GRK3: variants seen among roughly 807,000 people sequenced by gnomAD.
GRK3 encodes the protein adrenergic, beta, receptor kinase 2.
A neutral mutation model predicts 95.7 loss-of-function variants in GRK3; 54 were observed. The ratio of observed to expected loss-of-function variants is 0.56; its 90% CI spans 0.45 to 0.71. The LOEUF is 0.71. Among genes scored for constraint, GRK3 ranks in the 30% least tolerant of loss-of-function variants. The pLI is 0.00. For missense variants in GRK3, 649 were observed against 851.2 expected (o/e 0.76, Z 2.96); for synonymous variants, 281 against 290.8 (o/e 0.97, Z 0.34).
chr22:25,669,799 C>A (rs770266379), intron 6 of GRK3, among the ~76,000 whole-genome samples: 1 of 152,188 alleles, frequency 6.6e-6, no homozygotes, highest in Non-Finnish European at 1.5e-5. Flanking sequence ...GTTTGTTAAC[C>A]CTCCTCAGCT....
At chr22:25,682,426 TA>T (rs892345392) in intron 9 of GRK3, among the ~76,000 whole-genome samples, 4 of 152,164 alleles carry the variant, frequency 2.6e-5, no homozygotes, top group African/African-American at 9.7e-5. Context: ...CTGGAACAAA[TA>T]AAAATTCTTT....
chr22:25,663,845 A>G (rs2084924964), intron 5 of GRK3, 141 bp downstream of exon 5: 1 of 590,618 alleles, frequency 1.7e-6, no homozygotes, highest in South Asian at 2.5e-5. Context: ...GTCTGGGACT[A>G]TTTGAGTTTA....
chr22:25,618,994 TG>T (rs2084560488), intron 2 of GRK3, among the ~76,000 whole-genome samples: 1 of 152,226 alleles, frequency 6.6e-6, no homozygotes, highest in Admixed American at 6.5e-5. Flanking sequence ...TGGCTGGTCA[TG>T]GTGAGAGATT....
chr22:25,661,562 T>C lies in GRK3; in HGVS notation c.265-14T>C. On this transcript the variant is annotated splice_polypyrimidine_tract_variant and intron_variant, in intron 3 of 20. Coordinates refer to ENST00000324198, the MANE Select transcript of GRK3 (RefSeq NM_005160.4). ...GAAGATACAACCTAACAATGATAACTTTAAAAAACCTAGATAAAGGAATAT... is the reference window on the plus strand; with the variant it reads ...GAAGATACAACCTAACAATGATAACCTTAAAAAACCTAGATAAAGGAATAT... 1 of 1,571,130 alleles carries C rather than the reference T, an allele frequency of 6.4e-7. No individual in the cohort carries two copies. Among genetic ancestry groups the C allele is most frequent in the Non-Finnish European group, 8.7e-7 (1 of 1,145,056 alleles).
intron 1 of GRK3, among the ~76,000 whole-genome samples, chr22:25,588,272 A>G (rs2146325336): frequency 6.6e-6 from 1 of 152,324 alleles, no homozygotes; most frequent in South Asian, 2.1e-4. Flanking sequence ...TGTCACCTTA[A>G]TATCTAGTTA....
At chr22:25,702,660 C>T (rs1326548074) in intron 13 of GRK3, among the ~76,000 whole-genome samples, 1 of 152,212 alleles carries the variant, frequency 6.6e-6, no homozygotes, top group Non-Finnish European at 1.5e-5. Flanking sequence ...ATCTGTTTTA[C>T]ATAGTTCACC....
intron 2 of GRK3, among the ~76,000 whole-genome samples, chr22:25,627,331 G>T (rs1601485216): frequency 6.6e-6 from 1 of 152,222 alleles, no homozygotes. Flanking sequence ...TTCTGAGGCT[G>T]GATCCCTTAG....
At chr22:25,580,194 T>G (rs562786696) in intron 1 of GRK3, 1 of 152,354 alleles carries the variant, frequency 6.6e-6, no homozygotes, top group South Asian at 2.1e-4. Context: ...GATGGCTTCC[T>G]CGGCTTCCTC....
rs75999260 is a variant in GRK3, at chr22:25,638,246, G to A, written c.191-6346G>A. 4.5e-3 allele frequency among the ~76,000 whole-genome samples: 682 copies of A among 152,248 alleles called. 5 individuals are homozygous for A. Among genetic ancestry groups the A allele is most frequent in the African/African-American group, 0.015 (616 of 41,532 alleles). On this transcript the variant is annotated intron_variant, in intron 2 of 20. Coordinates refer to ENST00000324198, the MANE Select transcript of GRK3 (RefSeq NM_005160.4). ...TTGGATGATGTTTGCTCTTTTCTTC[G>A]ATGTCTTGCAACTTAAATACCATCA...
chr22:25,589,073 A>G (rs553849499), intron 1 of GRK3, among the ~76,000 whole-genome samples: 14 of 152,330 alleles, frequency 9.2e-5, no homozygotes, highest in Admixed American at 5.2e-4. Context: ...CTCACTGCTT[A>G]TAGTTTAGAA....
intron 1 of GRK3, among the ~76,000 whole-genome samples, chr22:25,588,857 C>T (rs1266385721): frequency 6.6e-6 from 1 of 151,400 alleles, no homozygotes; most frequent in African/African-American, 2.4e-5. Context: ...CAGCCTCAAA[C>T]CCCTGGGCTC....
At chr22:25,610,168 T>C (rs2084485891) in intron 2 of GRK3, among the ~76,000 whole-genome samples, 1 of 152,080 alleles carries the variant, frequency 6.6e-6, no homozygotes, top group South Asian at 2.1e-4. Flanking sequence ...TTTTACTTTT[T>C]AAAAAATGAC....
At position 25,704,297 on chromosome 22, in the gene GRK3, C is replaced by A. The variant is rs143238392; in HGVS notation, c.1328+88C>A. On this transcript the variant is annotated intron_variant, in intron 15 of 20. Transcript: ENST00000324198. ...CTGTCTATCAAAAGTCATCCCTAGT[C>A]ATTAAAATCTTCCATTTTGACTTGA... is the stretch of plus-strand genomic sequence containing the variant. 7.7e-6 allele frequency: 7 copies of A among 904,988 alleles called. No individual in the cohort carries two copies. The East Asian group carries it at 1.9e-4, about 24-fold the overall frequency. The allele number at this position is 904,988 out of a possible 1,614,324, so 56.1% of individuals were successfully genotyped here. A position where few individuals can be genotyped will look rare whatever the true frequency, so the allele number is the denominator to read the frequency against.
intron 2 of GRK3, among the ~76,000 whole-genome samples, chr22:25,634,636 C>T (rs2084687216): frequency 6.6e-6 from 1 of 151,994 alleles, no homozygotes; most frequent in Non-Finnish European, 1.5e-5. Flanking sequence ...ATTATATTAG[C>T]ATTTCTATTA....
intron 2 of GRK3, among the ~76,000 whole-genome samples, chr22:25,605,639 G>A (rs1289869562): frequency 2.0e-5 from 3 of 152,238 alleles, no homozygotes; most frequent in Non-Finnish European, 4.4e-5. Context: ...GTGACTTTTT[G>A]TGTATTCACC....
intron 2 of GRK3, among the ~76,000 whole-genome samples, chr22:25,619,502 G>C (rs896630808): frequency 6.6e-6 from 1 of 152,002 alleles, no homozygotes; most frequent in South Asian, 2.1e-4. Flanking sequence ...CGTTGTTTTC[G>C]ATAAAGGGTC....
At chr22:25,635,238 T>C (rs903090011) in intron 2 of GRK3, among the ~76,000 whole-genome samples, 2 of 152,232 alleles carry the variant, frequency 1.3e-5, no homozygotes, top group African/African-American at 4.8e-5. Context: ...GCATACATTT[T>C]GCCTCATTTG....
intron 17 of GRK3, among the ~76,000 whole-genome samples, chr22:25,712,478 C>T (rs1294025803): frequency 6.6e-6 from 1 of 152,228 alleles, no homozygotes; most frequent in African/African-American, 2.4e-5. Flanking sequence ...TGCTGTATAC[C>T]ACTATCTGTC....
chr22:25,564,885 TGGGGCGCGCGGCGCGCGCGCGGGGCG>T lies in GRK3; in HGVS notation c.-144_-119del, dbSNP rs990030088. On this transcript the variant is annotated 5_prime_UTR_variant, in exon 1 of 21. Coordinates refer to ENST00000324198, the MANE Select transcript of GRK3 (RefSeq NM_005160.4). Reference sequence around the variant, plus strand: ...GCCTGCGGCGCGCGCAGAGCGCTAGTGGGGCGCGCGGCGCGCGCGCGGGGCGGGGGCGCGCGGAGGGGGGGGCTGCC... The same window carrying T: ...GCCTGCGGCGCGCGCAGAGCGCTAGTGGGGCGCGCGGAGGGGGGGGCTGCC... 4.7e-5 allele frequency: 6 copies of T among 128,268 alleles called. No homozygotes were observed. Among genetic ancestry groups the T allele is most frequent in the South Asian group, 2.9e-4 (1 of 3,450 alleles). 7.9% of individuals were successfully genotyped at this position (128,268 alleles called of 1,614,324 possible). A position where few individuals can be genotyped will look rare whatever the true frequency, so the allele number is the denominator to read the frequency against.
Sources: allele counts gnomAD v4.1 joint callset (sites outside exome capture counted in the v4.1 genomes callset), GRCh38; gene constraint gnomAD v4.1.1; transcripts MANE v1.5; gene names NCBI Gene and HGNC (gene_info 2026-07-23, HGNC 2026-07-21).